DIAPH1: variants seen among roughly 807,000 people sequenced by gnomAD.
DIAPH1 encodes the protein diaphanous related formin 1, also known as protein diaphanous homolog 1.
In DIAPH1, 46 loss-of-function variants were observed where a neutral mutation model predicts 140.7. That is an observed-to-expected ratio of 0.33 (90% confidence interval 0.26 to 0.42). The LOEUF is 0.42. Among genes scored for constraint, DIAPH1 ranks in the 10% least tolerant of loss-of-function variants. DIAPH1 has a pLI of 1.00. For missense variants in DIAPH1, 1,310 were observed against 1,558.7 expected, an observed-to-expected ratio of 0.84 and a Z score of 2.69; for synonymous variants, 565 against 551.6, an observed-to-expected ratio of 1.02 and a Z score of -0.34.
chr5:141,550,928 G>T (rs1357756021), intron 18 of DIAPH1, among the ~76,000 whole-genome samples: 1 of 152,152 alleles, frequency 6.6e-6, no homozygotes, highest in Non-Finnish European at 1.5e-5. Context: ...TTAAGTGGGG[G>T]TCTATAATGC....
chr5:141,577,740 T>C (rs776862515), intron 11 of DIAPH1, 149 bp from the exon 12 acceptor site: 19 of 684,110 alleles, frequency 2.8e-5, no homozygotes, highest in South Asian at 1.7e-4. Context: ...CACCAGAAAC[T>C]TTAAGCTTTC....
chr5:141,583,322 A>G (rs768666575), intron 5 of DIAPH1, 30 bp from the exon 6 acceptor site: 32 of 1,609,774 alleles, frequency 2.0e-5, no homozygotes, highest in Non-Finnish European at 2.6e-5. Context: ...GCAATGCAAT[A>G]TCAAACCAAT....
chr5:141,575,972 C>A (rs2099895913), intron 14 of DIAPH1, among the ~76,000 whole-genome samples: 2 of 152,236 alleles, frequency 1.3e-5, no homozygotes, highest in African/African-American at 4.8e-5. Flanking sequence ...ATTACTATTA[C>A]ATGAGTATCA....
At chr5:141,545,770 T>A (rs902416980) in intron 18 of DIAPH1, among the ~76,000 whole-genome samples, 1 of 152,190 alleles carries the variant, frequency 6.6e-6, no homozygotes, top group Non-Finnish European at 1.5e-5. Flanking sequence ...TATTAATAGT[T>A]TCTGTTGCAA....
At chr5:141,517,144 A>C in intron 27 of DIAPH1, 136 bp from the exon 28 acceptor site, 1 of 917,720 alleles carries the variant, frequency 1.1e-6, no homozygotes, top group Non-Finnish European at 1.7e-6. Flanking sequence ...TACTTTGAAG[A>C]AAGGGGCAGA....
Position 141,603,319 on chromosome 5 carries a change from T to C in DIAPH1, c.118-15069A>G, listed in dbSNP as rs572190795. Among the ~76,000 whole-genome samples the C allele has an allele frequency of 6.6e-5, 10 of 152,350 alleles. No homozygotes were observed. The South Asian group carries it at 2.1e-3, about 32-fold the overall frequency. ...ATACATATATCAAAACATCATGTTG[T>C]ATACCATAAACAATTTGTATGTCAA... On this transcript the variant is annotated intron_variant, in intron 1 of 27. Coordinates refer to ENST00000389054, the MANE Select transcript of DIAPH1 (RefSeq NM_005219.5).
At chr5:141,555,088 A>G (rs1693369437) in intron 18 of DIAPH1, among the ~76,000 whole-genome samples, 1 of 152,216 alleles carries the variant, frequency 6.6e-6, no homozygotes, top group South Asian at 2.1e-4. Context: ...TGAGTTGTAC[A>G]CTTCGACCTG....
At chr5:141,554,720 T>C (rs2099892299) in intron 18 of DIAPH1, among the ~76,000 whole-genome samples, 1 of 152,214 alleles carries the variant, frequency 6.6e-6, no homozygotes, top group African/African-American at 2.4e-5. Flanking sequence ...GTTAGATTTG[T>C]TTTAGGAATG....
chr5:141,580,906 A>C (rs1403990788), intron 7 of DIAPH1, 23 bp from the exon 8 acceptor site: 1 of 1,614,106 alleles, frequency 6.2e-7, no homozygotes, highest in African/African-American at 1.3e-5. Flanking sequence ...AGAACAAAGA[A>C]AGGAGGCTGA....
rs569275321 is a variant in DIAPH1 at position 141,553,281 on chromosome 5, CT to C, written c.2482+18146del. ...CACTCCAGCCTGGGTGACAGGCTGT[CT>C]TTTTTTTTTGACCCTGTCTCAAAAA... On this transcript the variant is annotated intron_variant, in intron 18 of 27. Coordinates refer to ENST00000389054, the MANE Select transcript of DIAPH1 (RefSeq NM_005219.5). Among the ~76,000 whole-genome samples, 35 of 141,572 alleles carry C rather than the reference CT, an allele frequency of 2.5e-4. No homozygotes were observed. The South Asian group carries it at 3.4e-3, about 14-fold the overall frequency. The allele number at this position is 141,572 out of a possible 152,430, so 92.9% of individuals were successfully genotyped here. A position where few individuals can be genotyped will look rare whatever the true frequency, so the allele number is the denominator to read the frequency against.
intron 2 of DIAPH1, among the ~76,000 whole-genome samples, chr5:141,587,907 C>A (rs2099897783): frequency 6.6e-6 from 1 of 152,200 alleles, no homozygotes; most frequent in Admixed American, 6.5e-5. Flanking sequence ...TAAGCAACAG[C>A]TTATCAGCTC....
At chr5:141,586,638 G>C (rs1166741730) in intron 3 of DIAPH1, among the ~76,000 whole-genome samples, 1 of 152,196 alleles carries the variant, frequency 6.6e-6, no homozygotes, top group Non-Finnish European at 1.5e-5. Flanking sequence ...ACAGGACCTT[G>C]AGCAAATGAT....
chr5:141,577,854 GGTAACTGCCTCAAA>G (rs1219205942), intron 11 of DIAPH1: 1 of 498,400 alleles, frequency 2.0e-6, no homozygotes, highest in Non-Finnish European at 3.6e-6. Context: ...GAAAATAAGA[GGTAACTGCCTCAAA>G]GTCACTTACT....
chr5:141,614,116 GA>G, intron 1 of DIAPH1, among the ~76,000 whole-genome samples: 1 of 152,238 alleles, frequency 6.6e-6, no homozygotes, highest in Admixed American at 6.5e-5. Flanking sequence ...GAGGCTCAAT[GA>G]AAAAAGAAAA....
At position 141,573,696 on chromosome 5, in the gene DIAPH1, G is replaced by GGGA; in HGVS notation, c.2151_2153dup (p.Pro719dup). On this transcript the variant is annotated inframe_insertion, in exon 16 of 28. Transcript: ENST00000389054. ...GGATTCCAGGACCACCAGGAAGAGG[G>GGGA]GGAGGAGGAGGTGGCATTCCTGCTT... 2 of 1,600,114 alleles carry GGGA rather than the reference G, an allele frequency of 1.2e-6. No homozygotes were observed. The highest frequency in any genetic ancestry group is 2.2e-5 in the East Asian group (1 of 44,502).
At position 141,592,364 on chromosome 5, in the gene DIAPH1, A is replaced by G. The variant is rs149075406; in HGVS notation, c.118-4114T>C. ...AGAGTGTATTGTTTACTTAGTTAATACTATGTGTGTTCTTACAGATTCTAT... is the reference window on the plus strand; with the variant it reads ...AGAGTGTATTGTTTACTTAGTTAATGCTATGTGTGTTCTTACAGATTCTAT... On this transcript the variant is annotated intron_variant, in intron 1 of 27. Transcript: ENST00000389054. 7.6e-3 allele frequency among the ~76,000 whole-genome samples: 1,153 copies of G among 152,280 alleles called. 19 individuals are homozygous for G. The highest frequency in any genetic ancestry group is 0.026 in the African/African-American group (1,095 of 41,548).
At chr5:141,604,002 A>C (rs1413534206) in intron 1 of DIAPH1, among the ~76,000 whole-genome samples, 1 of 152,162 alleles carries the variant, frequency 6.6e-6, no homozygotes, top group Non-Finnish European at 1.5e-5. Context: ...CGGGCTGAGG[A>C]TGCTGCATTC....
At chr5:141,518,275 A>G (rs2099885995) in intron 27 of DIAPH1, among the ~76,000 whole-genome samples, 2 of 151,574 alleles carry the variant, frequency 1.3e-5, no homozygotes, top group Non-Finnish European at 2.9e-5. Context: ...ACATTTTTAA[A>G]AGGTGAATTT....
At chr5:141,576,179 T>A (rs2099895940) in intron 14 of DIAPH1, 51 bp downstream of exon 14, 1 of 1,398,092 alleles carries the variant, frequency 7.2e-7, no homozygotes, top group South Asian at 1.2e-5. Flanking sequence ...AAAATAATAA[T>A]TCTCAAAGAA....
Sources: gnomAD v4.1 joint callset for allele counts (sites outside exome capture counted in the v4.1 genomes callset) on GRCh38, gnomAD v4.1.1 for gene constraint, MANE v1.5 for transcripts, NCBI Gene and HGNC (gene_info 2026-07-23, HGNC 2026-07-21) for gene names.